SDK1: variants seen among roughly 807,000 people sequenced by gnomAD.
SDK1 encodes the protein sidekick cell adhesion molecule 1.
SDK1 carries 157 observed loss-of-function variants against 245.5 expected under a neutral mutation model. That is an observed-to-expected ratio of 0.64 (90% CI 0.56 to 0.73). SDK1 has a LOEUF of 0.73. Among genes scored for constraint, SDK1 ranks in the 30% least tolerant of loss-of-function variants. The pLI is 0.00. For synonymous variants in SDK1, 1,647 were observed against 1,278.5 expected, an observed-to-expected ratio of 1.29 and a Z score of -6.15; for missense variants, 3,583 against 3,002.3, an observed-to-expected ratio of 1.19 and a Z score of -4.52.
At chr7:3,515,731 G>C (rs1583984017) in intron 1 of SDK1, among the ~76,000 whole-genome samples, 1 of 152,120 alleles carries the variant, frequency 6.6e-6, no homozygotes, top group African/African-American at 2.4e-5. Context: ...TGTACATTTT[G>C]TGCCATTTTT....
chr7:4,189,339 G>C (rs570695961), intron 35 of SDK1, among the ~76,000 whole-genome samples: 1 of 152,296 alleles, frequency 6.6e-6, no homozygotes, highest in Non-Finnish European at 1.5e-5. Context: ...TCAAGGCTGA[G>C]GCTCACATGG....
chr7:3,967,575 TC>T (rs1782177290), intron 10 of SDK1, 141 bp downstream of exon 10: 2 of 631,812 alleles, frequency 3.2e-6, no homozygotes, highest in African/African-American at 1.8e-5. Flanking sequence ...ATTGCAGCAG[TC>T]CCCAACCTTT....
In SDK1 at chr7:4,026,100, A is replaced by G. The variant is rs1387762082; in HGVS notation, c.2602+8748A>G. Among the ~76,000 whole-genome samples the G allele has an allele frequency of 1.3e-5, 2 of 152,238 alleles. No individual in the cohort carries two copies. The highest frequency in any genetic ancestry group is 4.8e-5 in the African/African-American group (2 of 41,476). ...CAGCACCCTGGACACGCCAGGCCGC[A>G]GCGCTGGTCTTCCACAGTCCCCATG... On this transcript the variant is annotated intron_variant, in intron 17 of 44. Transcript: ENST00000404826. This position sits in a 1 kb window ranked among gnomAD's most constrained non-coding sequence, Gnocchi z 4.1.
intron 1 of SDK1, among the ~76,000 whole-genome samples, chr7:3,564,691 T>C (rs1251046542): frequency 6.6e-6 from 1 of 152,046 alleles, no homozygotes; most frequent in Admixed American, 6.6e-5. Flanking sequence ...ATTTCACCAA[T>C]ACATGGTAAA....
intron 1 of SDK1, among the ~76,000 whole-genome samples, chr7:3,518,714 T>A (rs1209581212): frequency 6.6e-6 from 1 of 152,052 alleles, no homozygotes; most frequent in East Asian, 1.9e-4. Flanking sequence ...AAGGGAACTC[T>A]TACACACTAT....
chr7:3,694,576 G>T (rs907108385), intron 4 of SDK1, among the ~76,000 whole-genome samples: 135 of 51,610 alleles, frequency 2.6e-3, no homozygotes, highest in Non-Finnish European at 5.8e-3. Flanking sequence ...ATTTATGTTG[G>T]TGGGGGGGGA....
intron 3 of SDK1, 112 bp downstream of exon 3, chr7:3,639,222 T>A (rs1782569068): frequency 1.8e-6 from 1 of 563,102 alleles, no homozygotes; most frequent in Non-Finnish European, 3.1e-6. Flanking sequence ...TTTGGTTCTA[T>A]TTTGAGTAGA....
At chr7:3,897,069 T>C (rs560060764) in intron 5 of SDK1, among the ~76,000 whole-genome samples, 12 of 152,260 alleles carry the variant, frequency 7.9e-5, no homozygotes, top group African/African-American at 2.9e-4. Context: ...GTGAGAATTC[T>C]ATCATGAAAG....
chr7:3,625,666 A>T (rs1782094072), intron 2 of SDK1, among the ~76,000 whole-genome samples: 1 of 152,216 alleles, frequency 6.6e-6, no homozygotes, highest in African/African-American at 2.4e-5. Flanking sequence ...AGAGGAAATT[A>T]TTTATCAGCT....
At position 4,268,315 on chromosome 7, in the gene SDK1, T is replaced by C; in HGVS notation, c.*2931T>C. 1 of 1,028,130 alleles carries C rather than the reference T, an allele frequency of 9.7e-7. No homozygotes were observed. The highest frequency in any genetic ancestry group is 1.2e-6 in the Non-Finnish European group (1 of 855,220). 63.7% of individuals were successfully genotyped at this position (1,028,130 alleles called of 1,614,324 possible). A position where few individuals can be genotyped will look rare whatever the true frequency, so the allele number is the denominator to read the frequency against. On this transcript the variant is annotated 3_prime_UTR_variant, in exon 45 of 45. Coordinates refer to ENST00000404826, the MANE Select transcript of SDK1 (RefSeq NM_152744.4). ...TCCTCCTGGGGTGCCAGGGCAGAGA[T>C]TCCAGGCAGGTGAGCCCAGAGAGAG...
intron 43 of SDK1, among the ~76,000 whole-genome samples, chr7:4,244,583 G>A (rs1238819469): frequency 6.6e-6 from 1 of 152,226 alleles, no homozygotes; most frequent in Non-Finnish European, 1.5e-5. Context: ...ATCGCTGCAT[G>A]GCAAATGATC....
intron 1 of SDK1, among the ~76,000 whole-genome samples, chr7:3,501,605 T>C (rs188885798): frequency 2.2e-4 from 34 of 152,326 alleles, no homozygotes; most frequent in Admixed American, 6.5e-4. Context: ...CAAACTGTTA[T>C]AGAGTATTTG....
intron 1 of SDK1, among the ~76,000 whole-genome samples, chr7:3,452,609 A>G (rs2128592091): frequency 6.6e-6 from 1 of 152,322 alleles, no homozygotes; most frequent in Non-Finnish European, 1.5e-5. Flanking sequence ...CACTCTTGCT[A>G]ATAGTGAAAG....
Position 4,048,802 on chromosome 7 carries a change from A to G in SDK1, c.2603-546A>G, listed in dbSNP as rs377134374. 1.2e-4 allele frequency among the ~76,000 whole-genome samples: 18 copies of G among 152,350 alleles called. No individual in the cohort carries two copies. In the East Asian group the frequency reaches 2.9e-3, roughly 25 times the overall value. On this transcript the variant is annotated intron_variant, in intron 17 of 44. Coordinates refer to ENST00000404826, the MANE Select transcript of SDK1 (RefSeq NM_152744.4). Reference sequence around the variant, plus strand: ...TAATTGGGTTCAATAGCTGTTCTGTAAAAGAGAGAAACAAACTGTGGAAAA... The same window carrying G: ...TAATTGGGTTCAATAGCTGTTCTGTGAAAGAGAGAAACAAACTGTGGAAAA...
intron 1 of SDK1, among the ~76,000 whole-genome samples, chr7:3,396,337 C>T (rs7779805): frequency 0.042 from 6,419 of 151,764 alleles, 354 homozygotes; most frequent in African/African-American, 0.13. Flanking sequence ...GGTTCTATGG[C>T]AGCTTGAAAA....
intron 13 of SDK1, among the ~76,000 whole-genome samples, chr7:3,980,644 A>G (rs1783329186): frequency 6.6e-6 from 1 of 152,202 alleles, no homozygotes; most frequent in African/African-American, 2.4e-5. Flanking sequence ...ACCAAAACTT[A>G]TCATTTAAAG....
intron 30 of SDK1, among the ~76,000 whole-genome samples, chr7:4,157,371 AGAAG>A (rs1339802023): frequency 2.8e-5 from 3 of 105,932 alleles, no homozygotes; most frequent in African/African-American, 1.6e-4. Context: ...GAAGGGAGGA[AGAAG>A]GGAGAGAAGG....
At chr7:3,486,593 C>T (rs567085835) in intron 1 of SDK1, among the ~76,000 whole-genome samples, 24 of 151,602 alleles carry the variant, frequency 1.6e-4, no homozygotes, top group Middle Eastern at 6.8e-3. Flanking sequence ...TTATTTTGTG[C>T]GCTTTATTTG....
chr7:4,104,075 T>C (rs1167501374), intron 22 of SDK1, among the ~76,000 whole-genome samples: 3 of 152,240 alleles, frequency 2.0e-5, no homozygotes. Flanking sequence ...CTTGTTTGTG[T>C]TTGAGACGGG....
Sources: gnomAD v4.1 joint callset for allele counts (sites outside exome capture counted in the v4.1 genomes callset) on GRCh38, gnomAD v4.1.1 for gene constraint, Gnocchi (gnomAD v3.1) non-coding constraint, MANE v1.5 for transcripts, NCBI Gene and HGNC (gene_info 2026-07-23, HGNC 2026-07-21) for gene names.